Variants in CDC27 observed in about 807,000 individuals in gnomAD.
CDC27 encodes cell division cycle 27.
In CDC27, 27 loss-of-function variants were observed where a neutral mutation model predicts 109.7. The ratio of observed to expected loss-of-function variants is 0.25; its 90% CI spans 0.18 to 0.34. CDC27 has a LOEUF of 0.34. CDC27 is among the 10% of genes least tolerant of loss of function. The pLI is 1.00. For synonymous variants in CDC27, 266 were observed against 333.9 expected, an observed-to-expected ratio of 0.80 and a Z score of 2.22; for missense variants, 579 against 960.2, an observed-to-expected ratio of 0.60 and a Z score of 5.25.
At chr17:47,151,621 T>C (rs996662106) in intron 9 of CDC27, among the ~76,000 whole-genome samples, 185 bp downstream of exon 9, 2 of 152,242 alleles carry the variant, frequency 1.3e-5, no homozygotes, top group African/African-American at 4.8e-5. Flanking sequence ...TATTGTCTTC[T>C]GTGCATTACA....
intron 15 of CDC27, 146 bp from the exon 16 acceptor site, chr17:47,129,667 T>C: frequency 4.2e-6 from 2 of 475,994 alleles, no homozygotes. Flanking sequence ...TTAAGTGGAT[T>C]TAGTAATTAA....
At chr17:47,129,361 A>C (rs745395809) in intron 16 of CDC27, 32 bp downstream of exon 16, 1 of 1,529,198 alleles carries the variant, frequency 6.5e-7, no homozygotes, top group South Asian at 1.2e-5. Flanking sequence ...TAAGCAATAC[A>C]ACACTGAAGA....
intron 9 of CDC27, among the ~76,000 whole-genome samples, chr17:47,146,569 A>T (rs908226825): frequency 1.2e-4 from 18 of 152,192 alleles, no homozygotes; most frequent in African/African-American, 4.3e-4. Flanking sequence ...ACCTCATACT[A>T]AACAGGTTTT....
chr17:47,145,699 G>A (rs1375931673), intron 9 of CDC27, among the ~76,000 whole-genome samples: 4 of 152,194 alleles, frequency 2.6e-5, no homozygotes, highest in Non-Finnish European at 5.9e-5. Context: ...TCAAGAGATC[G>A]AGATCATCCT....
At position 47,138,600 on chromosome 17, in the gene CDC27, G is replaced by A. The variant is rs144644006; in HGVS notation, c.1704+139C>T. On this transcript the variant is annotated intron_variant, in intron 13 of 18. Coordinates refer to ENST00000066544, the MANE Select transcript of CDC27 (RefSeq NM_001256.6). ...TCTAGGACTTTCTCTTCCTCTCTGA[G>A]TCCCTGACTAGAGAGAGAGGAAAAA... 73 of 576,012 alleles carry A rather than the reference G, an allele frequency of 1.3e-4. No homozygotes were observed. In the African/African-American group the frequency reaches 1.3e-3, roughly 11 times the overall value. The allele number at this position is 576,012 out of a possible 1,614,324, so 35.7% of individuals were successfully genotyped here. A position where few individuals can be genotyped will look rare whatever the true frequency, so the allele number is the denominator to read the frequency against.
intron 2 of CDC27, among the ~76,000 whole-genome samples, chr17:47,175,183 A>G (rs1225276715): frequency 6.6e-6 from 1 of 152,186 alleles, no homozygotes. Flanking sequence ...TGTAAGTCCA[A>G]AATAATTAAG....
At chr17:47,145,071 C>T (rs2062914790) in intron 9 of CDC27, among the ~76,000 whole-genome samples, 1 of 152,180 alleles carries the variant, frequency 6.6e-6, no homozygotes, top group South Asian at 2.1e-4. Flanking sequence ...ATAGAAAGAA[C>T]AGACTTCCGC....
At chr17:47,168,394 T>A (rs1460559520) in intron 4 of CDC27, among the ~76,000 whole-genome samples, 1 of 152,158 alleles carries the variant, frequency 6.6e-6, no homozygotes, top group African/African-American at 2.4e-5. Context: ...TACGAGGAAA[T>A]GAGGTCAAAG....
At chr17:47,129,302 TTAAA>T in intron 16 of CDC27, 87 bp downstream of exon 16, 6 of 1,033,348 alleles carry the variant, frequency 5.8e-6, no homozygotes, top group Non-Finnish European at 8.4e-6. Context: ...CAGATCAAAA[TTAAA>T]TAAATAACTT....
At chr17:47,159,161 A>C in intron 4 of CDC27, 1 of 373,164 alleles carries the variant, frequency 2.7e-6, no homozygotes, top group Non-Finnish European at 4.8e-6. Context: ...TTCCAGGCTT[A>C]ATTCACTTTA....
intron 4 of CDC27, chr17:47,159,410 GTCA>G: frequency 2.0e-6 from 2 of 1,000,926 alleles, no homozygotes; most frequent in Non-Finnish European, 2.9e-6. Context: ...AGGTGTAGCA[GTCA>G]TCGATACCAG....
chr17:47,140,690 T>C (rs1598442467), intron 12 of CDC27, among the ~76,000 whole-genome samples: 1 of 152,324 alleles, frequency 6.6e-6, no homozygotes, highest in Admixed American at 6.5e-5. Context: ...ATTTTTTAAA[T>C]GGCTTTTCCG....
rs758786782 is a variant in CDC27 at position 47,132,296 on chromosome 17, G to A, written c.1992C>T (p.Ile664=). 6.2e-7 allele frequency: 1 copy of A among 1,602,088 alleles called. No homozygotes were observed. The highest frequency in any genetic ancestry group is 1.1e-5 in the South Asian group (1 of 89,292). The change falls in exon 15 of 19, where the codon ATC becomes ATT. Residue 664 remains isoleucine (I), a synonymous_variant. Coordinates refer to ENST00000066544, the MANE Select transcript of CDC27 (RefSeq NM_001256.6). The part of the protein sequence containing the change: ...AEMHFQKALD[I]NPQSSVLLCH... Reference sequence around the variant, plus strand: ...AAAGTAAAACTGAACTTTGAGGGTTGATATCAAGCGCTTTTTGGAAATGCA... The same window carrying A: ...AAAGTAAAACTGAACTTTGAGGGTTAATATCAAGCGCTTTTTGGAAATGCA...
At chr17:47,135,954 C>T (rs1362541515) in intron 14 of CDC27, among the ~76,000 whole-genome samples, 1 of 152,042 alleles carries the variant, frequency 6.6e-6, no homozygotes, top group Non-Finnish European at 1.5e-5. Flanking sequence ...TCCTGGCTAA[C>T]ATGGTGAAAT....
chr17:47,133,299 C>T (rs187573625), intron 14 of CDC27, among the ~76,000 whole-genome samples: 40 of 149,800 alleles, frequency 2.7e-4, no homozygotes, highest in South Asian at 1.5e-3. Flanking sequence ...CCATCACGCC[C>T]GGCTAATTTT....
intron 16 of CDC27, among the ~76,000 whole-genome samples, chr17:47,124,900 G>A (rs2062087599): frequency 6.6e-6 from 1 of 152,070 alleles, no homozygotes; most frequent in Non-Finnish European, 1.5e-5. Flanking sequence ...ACCACTCTGA[G>A]AATTATTACT....
At chr17:47,157,613 A>T (rs2063357018) in intron 5 of CDC27, among the ~76,000 whole-genome samples, 1 of 152,190 alleles carries the variant, frequency 6.6e-6, no homozygotes, top group African/African-American at 2.4e-5. Flanking sequence ...AAGAACACTA[A>T]TTTTAAACAT....
chr17:47,147,591 G>A (rs67861319), intron 9 of CDC27, among the ~76,000 whole-genome samples: 16,435 of 151,360 alleles, frequency 0.11, 1,307 homozygotes, highest in East Asian at 0.47. Flanking sequence ...ACATAGAAGA[G>A]ACTGGATGAG....
At chr17:47,133,628 A>G (rs1349001047) in intron 14 of CDC27, among the ~76,000 whole-genome samples, 14 of 133,616 alleles carry the variant, frequency 1.0e-4, no homozygotes, top group East Asian at 4.8e-4. Context: ...TAGTAAAGAC[A>G]GGGTTTCTCC....
Sources: gnomAD v4.1 joint callset for allele counts (sites outside exome capture counted in the v4.1 genomes callset) on GRCh38, gnomAD v4.1.1 for gene constraint, MANE v1.5 for transcripts, NCBI Gene and HGNC (gene_info 2026-07-23, HGNC 2026-07-21) for gene names.